Variants in PLLP observed in about 807,000 individuals in gnomAD.
PLLP encodes plasmolipin.
In PLLP, 15 loss-of-function variants were observed where a neutral mutation model predicts 19.7. That is an observed-to-expected ratio of 0.76 (90% CI 0.51 to 1.17). PLLP has a LOEUF of 1.17. PLLP is among the 50% of genes most tolerant of loss of function. PLLP has a pLI of 0.00. For missense variants in PLLP, 255 were observed against 258.3 expected (o/e 0.99, Z 0.09); for synonymous variants, 111 against 116.3 (o/e 0.95, Z 0.29).
chr16:57,263,978 G>A (rs1241361017), intron 1 of PLLP, among the ~76,000 whole-genome samples: 2 of 152,180 alleles, frequency 1.3e-5, no homozygotes, highest in African/African-American at 4.8e-5. Flanking sequence ...TCCGGAGCAG[G>A]ACCTGCCTCT....
chr16:57,283,660 T>C (rs1256820422), intron 1 of PLLP, among the ~76,000 whole-genome samples: 61 of 152,190 alleles, frequency 4.0e-4, no homozygotes, highest in South Asian at 4.2e-4. Flanking sequence ...TGGGTCCGCC[T>C]CAGTTGGGGT....
At chr16:57,269,562 G>C (rs748800195) in intron 1 of PLLP, among the ~76,000 whole-genome samples, 3 of 152,186 alleles carry the variant, frequency 2.0e-5, no homozygotes, top group Non-Finnish European at 4.4e-5. Context: ...AAATCCCAGA[G>C]AGGGACGCCA....
At position 57,283,605 on chromosome 16, in the gene PLLP, T is replaced by A. The variant is rs78783828; in HGVS notation, c.135+801A>T. ...ACGAAAGGGTGGCAGAGGAAGAAGCTAACATCCGGGCCTGTGGCTGGTGTG... is the reference window on the plus strand; with the variant it reads ...ACGAAAGGGTGGCAGAGGAAGAAGCAAACATCCGGGCCTGTGGCTGGTGTG... On this transcript the variant is annotated intron_variant, in intron 1 of 3. Coordinates refer to ENST00000219207, the MANE Select transcript of PLLP (RefSeq NM_015993.3). Among the ~76,000 whole-genome samples the A allele has an allele frequency of 5.0e-3, 765 of 152,242 alleles. 6 individuals are homozygous for A. Among genetic ancestry groups the A allele is most frequent in the African/African-American group, 0.018 (727 of 41,528 alleles).
At chr16:57,273,814 TCTC>T (rs1295458539) in intron 1 of PLLP, among the ~76,000 whole-genome samples, 1 of 152,072 alleles carries the variant, frequency 6.6e-6, no homozygotes, top group Non-Finnish European at 1.5e-5. Flanking sequence ...AGTACCCTGT[TCTC>T]CTTCCACTCA....
At chr16:57,272,027 T>C (rs2075477476) in intron 1 of PLLP, among the ~76,000 whole-genome samples, 1 of 152,166 alleles carries the variant, frequency 6.6e-6, no homozygotes, top group Non-Finnish European at 1.5e-5. Context: ...ACCCTCCTTG[T>C]GAAGTCCCAG....
At chr16:57,259,415 G>A (rs747308585) in intron 2 of PLLP, among the ~76,000 whole-genome samples, 7 of 152,156 alleles carry the variant, frequency 4.6e-5, no homozygotes, top group Admixed American at 1.3e-4. Context: ...TAAGCTCAAG[G>A]CTCTAAGCAA....
chr16:57,284,510 G>T lies in PLLP; in HGVS notation c.31C>A (p.Arg11=). 7.1e-7 allele frequency: 1 copy of T among 1,402,366 alleles called. No individual in the cohort carries two copies. Among genetic ancestry groups the T allele is most frequent in the Non-Finnish European group, 9.4e-7 (1 of 1,067,480 alleles). 86.9% of individuals were successfully genotyped at this position (1,402,366 alleles called of 1,614,324 possible). ...GCGCCCTGCGCAGGACTGCTGGTCC[G>T]CGTGCTAACTTTCGACGGGAACTCG... MAEFPSKVST[R]TSSPAQGAEA... is the part of the protein sequence containing the mutation. Residue 11 remains arginine, a synonymous_variant, in exon 1 of 4, where the codon CGG becomes AGG. Coordinates refer to ENST00000219207, the MANE Select transcript of PLLP (RefSeq NM_015993.3).
At chr16:57,270,691 C>T (rs891658656) in intron 1 of PLLP, among the ~76,000 whole-genome samples, 1 of 152,146 alleles carries the variant, frequency 6.6e-6, no homozygotes, top group African/African-American at 2.4e-5. Context: ...GGCCACGACA[C>T]AGCCACACAC....
chr16:57,278,517 A>G (rs1324824674), intron 1 of PLLP, among the ~76,000 whole-genome samples: 1 of 152,144 alleles, frequency 6.6e-6, no homozygotes, highest in East Asian at 1.9e-4. Flanking sequence ...AGGTTTTTTT[A>G]TTTTGTGAGG....
At chr16:57,280,522 G>A (rs1901206790) in intron 1 of PLLP, among the ~76,000 whole-genome samples, 1 of 152,008 alleles carries the variant, frequency 6.6e-6, no homozygotes, top group South Asian at 2.1e-4. Context: ...GTTATCTGTA[G>A]ATCAAACTTG....
intron 2 of PLLP, among the ~76,000 whole-genome samples, chr16:57,260,104 G>A (rs2146438320): frequency 6.6e-6 from 1 of 152,280 alleles, no homozygotes; most frequent in South Asian, 2.1e-4. Context: ...GCTTCTCCAG[G>A]GTCCCTCCTG....
At chr16:57,263,468 G>A (rs2075447992) in intron 1 of PLLP, 1 of 152,296 alleles carries the variant, frequency 6.6e-6, no homozygotes, top group Non-Finnish European at 1.5e-5. Flanking sequence ...GCTACTGTGA[G>A]GACCCACAAG....
rs2075425595 is a variant in PLLP, at chr16:57,256,447, AAAGG to A, written c.*462_*465del. The stretch of plus-strand genomic sequence containing the variant: ...GGAGAGGTTGGTTGAAACGGTGTTT[AAAGG>A]AAGGAGAGTGGTTTCACCAGCTTGC... On this transcript the variant is annotated 3_prime_UTR_variant, in exon 4 of 4. Coordinates refer to ENST00000219207, the MANE Select transcript of PLLP (RefSeq NM_015993.3). 2 of 202,252 alleles carry A rather than the reference AAAGG, an allele frequency of 9.9e-6. No homozygotes were observed. The highest frequency in any genetic ancestry group is 2.2e-4 in the East Asian group (2 of 8,994). The allele number at this position is 202,252 out of a possible 1,614,324, so 12.5% of individuals were successfully genotyped here.
chr16:57,280,445 G>A (rs1352612564), intron 1 of PLLP, among the ~76,000 whole-genome samples: 7 of 151,776 alleles, frequency 4.6e-5, no homozygotes, highest in African/African-American at 1.7e-4. Flanking sequence ...CACGCCTTCT[G>A]CATTCTTCCA....
chr16:57,267,301 G>T (rs1231643005), intron 1 of PLLP, among the ~76,000 whole-genome samples: 1 of 152,220 alleles, frequency 6.6e-6, no homozygotes, highest in African/African-American at 2.4e-5. Context: ...AGGCGCAGTG[G>T]CTCATACCTG....
At chr16:57,268,856 A>T (rs2075465639) in intron 1 of PLLP, among the ~76,000 whole-genome samples, 2 of 152,192 alleles carry the variant, frequency 1.3e-5, no homozygotes, top group Admixed American at 1.3e-4. Context: ...TTTTCAAGTC[A>T]GGCCCTGGGC....
intron 1 of PLLP, among the ~76,000 whole-genome samples, chr16:57,265,909 C>T (rs193245310): frequency 4.3e-4 from 66 of 152,126 alleles, no homozygotes; most frequent in African/African-American, 1.5e-3. Flanking sequence ...TGCCTGTGGT[C>T]GCAGATACTT....
At chr16:57,257,074 T>C in intron 3 of PLLP, 45 bp from the exon 4 acceptor site, 2 of 1,367,970 alleles carry the variant, frequency 1.5e-6, no homozygotes, top group Non-Finnish European at 2.1e-6. Context: ...AGGGTGACAG[T>C]GACACAAGCT....
At position 57,258,522 on chromosome 16, in the gene PLLP, C is replaced by T. The variant is rs368809425; in HGVS notation, c.372G>A (p.Ala124=). Residue 124 remains alanine, a synonymous_variant, in exon 3 of 4, where the codon GCG becomes GCA. Transcript: ENST00000219207. ...CCCTCAGGGATGTCAGGTCAACTGCCGCAGAGCAGGCGATGAAGGCGGTGA... is the reference window on the plus strand; with the variant it reads ...CCCTCAGGGATGTCAGGTCAACTGCTGCAGAGCAGGCGATGAAGGCGGTGA... ...LYITAFIACS[A]AVDLTSLRGT... 5.0e-6 allele frequency: 8 copies of T among 1,613,268 alleles called. No homozygotes were observed. Among genetic ancestry groups the T allele is most frequent in the Middle Eastern group, 1.7e-4 (1 of 6,044 alleles).
Sources: allele counts gnomAD v4.1 joint callset (sites outside exome capture counted in the v4.1 genomes callset), GRCh38; gene constraint gnomAD v4.1.1; transcripts MANE v1.5; gene names NCBI Gene and HGNC (gene_info 2026-07-23, HGNC 2026-07-21).